The following GRIK3 variants were observed in gnomAD, a reference collection of about 807,000 sequenced individuals.
GRIK3 encodes the protein glutamate ionotropic receptor kainate type subunit 3.
GRIK3 carries 29 observed loss-of-function variants against 102.5 expected under a neutral mutation model. The observed-to-expected ratio is 0.28, with a 90% CI of 0.21 to 0.39. GRIK3 has a LOEUF of 0.39. GRIK3 is among the 10% of genes least tolerant of loss of function. GRIK3 has a pLI of 1.00. For synonymous variants in GRIK3, 511 were observed against 504.9 expected (o/e 1.01, Z -0.16); for missense variants, 908 against 1,252.4 (o/e 0.73, Z 4.15).
rs1417835540 is a variant in GRIK3, at chr1:36,872,972, A to T, written c.551-603T>A. 6.6e-6 allele frequency among the ~76,000 whole-genome samples: 1 copy of T among 152,184 alleles called. No homozygotes were observed. The highest frequency in any genetic ancestry group is 2.1e-4 in the South Asian group (1 of 4,826). On this transcript the variant is annotated intron_variant, in intron 3 of 15. Coordinates refer to ENST00000373091, the MANE Select transcript of GRIK3 (RefSeq NM_000831.4). This position sits in a 1 kb window ranked among gnomAD's most constrained non-coding sequence, Gnocchi z 5.9. ...TTGTGTCTCCGCCCTCGTCCTCACT[A>T]AGGGCAGTCTGCCTTGGTAAACCTT...
In GRIK3 at chr1:36,807,035, A is replaced by G. The variant is rs115159169; in HGVS notation, c.2092-709T>C. ...ATGTTCTACTTCATTACTGTGAGGA[A>G]GGAGCAGGGTGCGAATTGCAGAGGG... On this transcript the variant is annotated intron_variant, in intron 13 of 15. Coordinates refer to ENST00000373091, the MANE Select transcript of GRIK3 (RefSeq NM_000831.4). 3.3e-3 allele frequency among the ~76,000 whole-genome samples: 509 copies of G among 152,262 alleles called. 3 individuals carry two copies. The highest frequency in any genetic ancestry group is 0.012 in the African/African-American group (479 of 41,564).
At position 36,817,178 on chromosome 1, in the gene GRIK3, G is replaced by A; in HGVS notation, c.1973C>T (p.Ala658Val). The A allele has an allele frequency of 6.2e-7, 1 of 1,613,986 alleles. No individual in the cohort carries two copies. Among genetic ancestry groups the A allele is most frequent in the East Asian group, 2.2e-5 (1 of 44,884 alleles). ...IIISSYTANL[A>V]AFLTVERMES... Reference sequence around the variant, plus strand: ...CATGCGCTCCACGGTCAGAAAGGCAGCCAGGTTGGCCGTGTAGGAAGAGAT... The same window carrying A: ...CATGCGCTCCACGGTCAGAAAGGCAACCAGGTTGGCCGTGTAGGAAGAGAT... Residue 658 changes from alanine to valine, a missense_variant, in exon 13 of 16, where the codon GCT (alanine) becomes GTT (valine). Ala to Val is a moderately conservative substitution (Grantham distance 64, BLOSUM62 0). Transcript: ENST00000373091.
chr1:36,931,489 T>C (rs1350055541), intron 1 of GRIK3, among the ~76,000 whole-genome samples: 2 of 152,254 alleles, frequency 1.3e-5, no homozygotes, highest in Non-Finnish European at 1.5e-5. Flanking sequence ...TAATTATACA[T>C]GTATTTATTT....
chr1:37,011,928 G>A (rs1461373723), intron 1 of GRIK3, among the ~76,000 whole-genome samples: 2 of 152,154 alleles, frequency 1.3e-5, no homozygotes, highest in African/African-American at 4.8e-5. Flanking sequence ...CCTTTTTGGG[G>A]GGACGTGGGC....
intron 10 of GRIK3, among the ~76,000 whole-genome samples, chr1:36,836,988 C>T (rs537839376): frequency 7.9e-5 from 12 of 152,062 alleles, no homozygotes; most frequent in Non-Finnish European, 1.6e-4. Context: ...ACCCTCCCCC[C>T]CTTTCTAGTA....
At chr1:37,019,974 G>A (rs1479626480) in intron 1 of GRIK3, among the ~76,000 whole-genome samples, 2 of 152,144 alleles carry the variant, frequency 1.3e-5, no homozygotes, top group South Asian at 2.1e-4. Flanking sequence ...AAATCCTTGG[G>A]GTCCATTTGC....
At chr1:36,967,083 C>T (rs1234480625) in intron 1 of GRIK3, among the ~76,000 whole-genome samples, 1 of 152,208 alleles carries the variant, frequency 6.6e-6, no homozygotes, top group African/African-American at 2.4e-5. Flanking sequence ...CAACATCTCA[C>T]ACAGTTAGCA....
intron 10 of GRIK3, among the ~76,000 whole-genome samples, chr1:36,841,100 C>T (rs1159265234): frequency 6.6e-6 from 1 of 152,180 alleles, no homozygotes; most frequent in Non-Finnish European, 1.5e-5. Flanking sequence ...CAGCCTGTGG[C>T]TTCTCCCTCT....
chr1:36,796,775 C>T lies in GRIK3; in HGVS notation c.*5076G>A, dbSNP rs1174922558. On this transcript the variant is annotated 3_prime_UTR_variant, in exon 16 of 16. Transcript: ENST00000373091. ...GCTTTTGCTACCTAGAATAGCCCCG[C>T]CTTCTAGGGTATCCTAGATGGAGCC... 1 of 152,140 alleles carries T rather than the reference C, an allele frequency of 6.6e-6. No individual in the cohort carries two copies. The highest frequency in any genetic ancestry group is 2.4e-5 in the African/African-American group (1 of 41,408). The allele number at this position is 152,140 out of a possible 1,614,324, so 9.4% of individuals were successfully genotyped here.
chr1:37,012,028 C>G (rs1642601884), intron 1 of GRIK3, among the ~76,000 whole-genome samples: 1 of 152,154 alleles, frequency 6.6e-6, no homozygotes, highest in South Asian at 2.1e-4. Context: ...TCTCCAAGTC[C>G]TGTCTGGGCA....
chr1:37,014,849 T>A (rs945432459), intron 1 of GRIK3, among the ~76,000 whole-genome samples: 2 of 122,538 alleles, frequency 1.6e-5, no homozygotes, highest in African/African-American at 2.9e-5. Context: ...TTCTTATCTT[T>A]TCTTTTCTTT....
At chr1:36,920,701 G>A (rs1043631250) in intron 1 of GRIK3, among the ~76,000 whole-genome samples, 2 of 152,154 alleles carry the variant, frequency 1.3e-5, no homozygotes, top group Non-Finnish European at 2.9e-5. Context: ...GGCCTCCAAG[G>A]CCTCCGTGCC....
intron 1 of GRIK3, among the ~76,000 whole-genome samples, chr1:36,974,785 G>A (rs1642177756): frequency 7.2e-6 from 1 of 138,268 alleles, no homozygotes; most frequent in African/African-American, 3.0e-5. Context: ...GGGTGACAGA[G>A]CGAGACTCTG....
At position 36,799,537 on chromosome 1, in the gene GRIK3, C is replaced by G. The variant is rs1642416271; in HGVS notation, c.*2314G>C. On this transcript the variant is annotated 3_prime_UTR_variant, in exon 16 of 16. Transcript: ENST00000373091. ...CATGGACCCCTTGGTGACATGGCTTCTCCTTTTACGCATATTTGGCTAGCT... is the reference window on the plus strand; with the variant it reads ...CATGGACCCCTTGGTGACATGGCTTGTCCTTTTACGCATATTTGGCTAGCT... 1 of 152,252 alleles carries G rather than the reference C, an allele frequency of 6.6e-6. No homozygotes were observed. Among genetic ancestry groups the G allele is most frequent in the Non-Finnish European group, 1.5e-5 (1 of 68,080 alleles). The allele number at this position is 152,252 out of a possible 1,614,324, so 9.4% of individuals were successfully genotyped here. A position where few individuals can be genotyped will look rare whatever the true frequency, so the allele number is the denominator to read the frequency against.
chr1:36,906,351 C>T (rs147312852), intron 1 of GRIK3, among the ~76,000 whole-genome samples: 27 of 151,828 alleles, frequency 1.8e-4, no homozygotes, highest in Non-Finnish European at 8.8e-5. Flanking sequence ...CTCAGTTTCT[C>T]CACCTGCAAG....
At chr1:36,897,713 C>T (rs115920997) in intron 1 of GRIK3, among the ~76,000 whole-genome samples, 1,874 of 152,222 alleles carry the variant, frequency 0.012, 37 homozygotes, top group African/African-American at 0.042. Context: ...TTAGGACAAC[C>T]ACCTTGGAGA....
At chr1:36,944,885 C>T (rs894344254) in intron 1 of GRIK3, among the ~76,000 whole-genome samples, 1 of 152,170 alleles carries the variant, frequency 6.6e-6, no homozygotes, top group Non-Finnish European at 1.5e-5. Context: ...AAGAGTCTAG[C>T]GAACAGTGGC....
intron 1 of GRIK3, among the ~76,000 whole-genome samples, chr1:37,024,553 G>A (rs940193998): frequency 6.6e-6 from 1 of 151,094 alleles, no homozygotes; most frequent in African/African-American, 2.4e-5. Context: ...GACCAGCCTG[G>A]CCAATATGGT....
In GRIK3 at chr1:36,994,562, G is replaced by C. The variant is rs376424303; in HGVS notation, c.115+39432C>G. ...GATAGAGCAGTATCTTACACACAGT[G>C]ATTCTCCATAAGTGTCAGCTGTTAC... is the stretch of plus-strand genomic sequence containing the variant. On this transcript the variant is annotated intron_variant, in intron 1 of 15. Transcript: ENST00000373091. Among the ~76,000 whole-genome samples, 8 of 152,324 alleles carry C rather than the reference G, an allele frequency of 5.3e-5. No individual in the cohort carries two copies. The South Asian group carries it at 1.2e-3, about 24-fold the overall frequency.
Sources: allele counts gnomAD v4.1 joint callset (sites outside exome capture counted in the v4.1 genomes callset), GRCh38; gene constraint gnomAD v4.1.1; non-coding constraint Gnocchi (gnomAD v3.1); transcripts MANE v1.5; gene names NCBI Gene and HGNC (gene_info 2026-07-23, HGNC 2026-07-21).